Variants in EYS observed in about 807,000 individuals in gnomAD.
The protein encoded by EYS is EGF-like photoreceptor maintenance factor, also known as protein eyes shut homolog.
In EYS, 250 loss-of-function variants were observed where a neutral mutation model predicts 282.1. That is an observed-to-expected ratio of 0.89 (90% confidence interval 0.80 to 0.98). The LOEUF is 0.98. EYS is among the 50% of genes least tolerant of loss of function. EYS has a pLI of 0.00. For synonymous variants in EYS, 1,355 were observed against 1,282.9 expected, an observed-to-expected ratio of 1.06 and a Z score of -1.20; for missense variants, 4,016 against 3,709.0, an observed-to-expected ratio of 1.08 and a Z score of -2.15.
At chr6:63,748,809 A>G (rs1769272396) in intron 41 of EYS, among the ~76,000 whole-genome samples, 1 of 152,062 alleles carries the variant, frequency 6.6e-6, no homozygotes, top group Non-Finnish European at 1.5e-5. Flanking sequence ...GATTATTTGT[A>G]TTTCTGTGGA....
intron 41 of EYS, among the ~76,000 whole-genome samples, chr6:63,731,050 G>A (rs1371139988): frequency 6.6e-6 from 1 of 152,080 alleles, no homozygotes; most frequent in Non-Finnish European, 1.5e-5. Flanking sequence ...TACTAATACT[G>A]ATAAACATAC....
chr6:65,620,713 C>G (rs943799614), intron 2 of EYS, among the ~76,000 whole-genome samples: 1 of 151,198 alleles, frequency 6.6e-6, no homozygotes, highest in African/African-American at 2.5e-5. Context: ...TCCCTCTACA[C>G]ACTGCTTTGA....
chr6:63,977,978 T>C (rs1021917135), intron 35 of EYS, among the ~76,000 whole-genome samples: 5 of 151,888 alleles, frequency 3.3e-5, no homozygotes, highest in Non-Finnish European at 5.9e-5. Context: ...GAGACAGAAG[T>C]TTTTAATTGG....
intron 31 of EYS, among the ~76,000 whole-genome samples, chr6:64,148,313 T>C (rs1281356845): frequency 1.3e-5 from 2 of 152,120 alleles, no homozygotes; most frequent in African/African-American, 2.4e-5. Flanking sequence ...TTTGTTATAT[T>C]AGACATTCTT....
chr6:65,089,973 A>T (rs1043960219), intron 12 of EYS, among the ~76,000 whole-genome samples: 71 of 99,374 alleles, frequency 7.1e-4, no homozygotes, highest in African/African-American at 2.7e-3. Flanking sequence ...ATATATATAT[A>T]TAAATAAATA....
At chr6:65,541,780 A>G (rs1318943331) in intron 2 of EYS, among the ~76,000 whole-genome samples, 2 of 152,074 alleles carry the variant, frequency 1.3e-5, no homozygotes, top group African/African-American at 4.8e-5. Flanking sequence ...TTAAATAGAT[A>G]TATAAGCTAT....
At chr6:65,565,460 G>A (rs183028485) in intron 2 of EYS, among the ~76,000 whole-genome samples, 2 of 152,074 alleles carry the variant, frequency 1.3e-5, no homozygotes, top group African/African-American at 2.4e-5. Flanking sequence ...AGATGCTGGA[G>A]AGGATATGGA....
intron 28 of EYS, among the ~76,000 whole-genome samples, chr6:64,396,679 A>G (rs543284009): frequency 3.3e-5 from 5 of 152,214 alleles, no homozygotes; most frequent in African/African-American, 9.6e-5. Flanking sequence ...AAAACTATCC[A>G]TTCTCCACTG....
intron 31 of EYS, among the ~76,000 whole-genome samples, chr6:64,153,812 C>A (rs1475811141): frequency 1.3e-5 from 2 of 152,168 alleles, no homozygotes; most frequent in African/African-American, 4.8e-5. Flanking sequence ...TTAGAAAAAT[C>A]TTTACACATG....
intron 36 of EYS, among the ~76,000 whole-genome samples, chr6:63,858,401 A>T (rs1772447689): frequency 6.6e-6 from 1 of 152,166 alleles, no homozygotes; most frequent in Non-Finnish European, 1.5e-5. Flanking sequence ...GTACACTGAA[A>T]TACACATTTA....
chr6:65,226,478 G>A (rs139386611), intron 12 of EYS, among the ~76,000 whole-genome samples: 336 of 152,154 alleles, frequency 2.2e-3, no homozygotes, highest in Non-Finnish European at 3.1e-3. Flanking sequence ...GGACTTGAAC[G>A]GACATTTCTC....
chr6:65,046,895 C>T (rs1290746208), intron 13 of EYS, among the ~76,000 whole-genome samples: 1 of 151,726 alleles, frequency 6.6e-6, no homozygotes, highest in Non-Finnish European at 1.5e-5. Flanking sequence ...GATAAGTGAG[C>T]TCTCATTTTG....
chr6:64,098,747 T>C (rs1233750912), intron 31 of EYS, among the ~76,000 whole-genome samples: 3 of 151,764 alleles, frequency 2.0e-5, no homozygotes, highest in Admixed American at 6.6e-5. Context: ...ACTAGAGGTG[T>C]GTGCCACCAC....
chr6:65,219,549 C>G (rs1766406597), intron 12 of EYS, among the ~76,000 whole-genome samples: 1 of 151,808 alleles, frequency 6.6e-6, no homozygotes, highest in South Asian at 2.1e-4. Context: ...AAGAAATATA[C>G]CATGAGATTT....
chr6:64,674,722 T>C (rs1769590115), intron 22 of EYS, among the ~76,000 whole-genome samples: 1 of 128,202 alleles, frequency 7.8e-6, no homozygotes, highest in Admixed American at 9.0e-5. Flanking sequence ...CTAACATTTC[T>C]GTCATTAACA....
intron 22 of EYS, among the ~76,000 whole-genome samples, chr6:64,657,986 G>A (rs1768817272): frequency 6.6e-6 from 1 of 152,136 alleles, no homozygotes; most frequent in Admixed American, 6.5e-5. Flanking sequence ...TCAATTTCAG[G>A]TACACCAATC....
rs191537515 is a variant in EYS at position 65,219,366 on chromosome 6, A to G, written c.2023+76497T>C. 3.1e-4 allele frequency among the ~76,000 whole-genome samples: 47 copies of G among 152,274 alleles called. 1 individual carries two copies. Among genetic ancestry groups the G allele is most frequent in the African/African-American group, 1.1e-3 (45 of 41,572 alleles). ...GAAAATTGGTGATTGGTAAAACCAT[A>G]CAGAATAGTTCACAACCTAAATTAT... On this transcript the variant is annotated intron_variant, in intron 12 of 42. Transcript: ENST00000503581.
At chr6:65,255,603 A>C (rs1767439446) in intron 12 of EYS, among the ~76,000 whole-genome samples, 1 of 152,024 alleles carries the variant, frequency 6.6e-6, no homozygotes, top group East Asian at 1.9e-4. Context: ...GTATTTGCAA[A>C]CTACCCATCT....
intron 5 of EYS, among the ~76,000 whole-genome samples, chr6:65,442,581 G>A (rs112557310): frequency 0.056 from 8,435 of 151,380 alleles, 668 homozygotes; most frequent in African/African-American, 0.17. Context: ...GTGAAACCCC[G>A]TCTCTACTAA....
Sources: gnomAD v4.1 joint callset for allele counts (sites outside exome capture counted in the v4.1 genomes callset) on GRCh38, gnomAD v4.1.1 for gene constraint, MANE v1.5 for transcripts, NCBI Gene and HGNC (gene_info 2026-07-23, HGNC 2026-07-21) for gene names.